Variants in CFDP1 observed in about 807,000 individuals in gnomAD.
The protein encoded by CFDP1 is chromatin remodeling protein CFDP1.
A neutral mutation model predicts 40.1 loss-of-function variants in CFDP1; 31 were observed. The ratio of observed to expected loss-of-function variants is 0.77; its 90% CI spans 0.58 to 1.04. The LOEUF (loss-of-function observed/expected upper bound fraction) is 1.04, where lower values mean the gene tolerates loss of function less well. Ranked by LOEUF, CFDP1 falls within the 50% of genes least tolerant of loss-of-function variation. The pLI is 0.00. For missense variants in CFDP1, 423 were observed against 343.4 expected (o/e 1.23, Z -1.83); for synonymous variants, 167 against 120.0 (o/e 1.39, Z -2.56).
At chr16:75,387,982 T>A (rs759449759) in intron 5 of CFDP1, among the ~76,000 whole-genome samples, 108 of 152,174 alleles carry the variant, frequency 7.1e-4, no homozygotes, top group Non-Finnish European at 1.9e-4. Flanking sequence ...GAGTCCCACA[T>A]CAGTTATGAA....
chr16:75,405,876 G>A (rs1384762802), intron 4 of CFDP1, among the ~76,000 whole-genome samples: 10 of 150,090 alleles, frequency 6.7e-5, no homozygotes, highest in African/African-American at 1.5e-4. Flanking sequence ...CCAAGACTGC[G>A]CCACTGCACT....
chr16:75,391,056 C>T (rs1213062385), intron 5 of CFDP1, among the ~76,000 whole-genome samples: 1 of 152,224 alleles, frequency 6.6e-6, no homozygotes, highest in Non-Finnish European at 1.5e-5. Context: ...ATGGATATGA[C>T]AAGCAGTGAG....
In CFDP1 at chr16:75,412,598, G is replaced by T; in HGVS notation, c.339C>A (p.Leu113=). The change falls in exon 3 of 7, where the codon CTC becomes CTA. Residue 113 remains leucine (L), a synonymous_variant. Coordinates refer to ENST00000283882, the MANE Select transcript of CFDP1 (RefSeq NM_006324.3). The stretch of plus-strand genomic sequence containing the variant: ...CCACATCATTGAGGAAGCTGGCCCA[G>T]AGTTCGTCCTCCTTCTTTTTCCTGG... ...EDARKKKEDE[L]WASFLNDVGP... 2 of 1,614,122 alleles carry T rather than the reference G, an allele frequency of 1.2e-6. No individual in the cohort carries two copies. Among genetic ancestry groups the T allele is most frequent in the Non-Finnish European group, 1.7e-6 (2 of 1,180,006 alleles).
chr16:75,316,825 C>T (rs1160141742), intron 5 of CFDP1, among the ~76,000 whole-genome samples: 1 of 151,700 alleles, frequency 6.6e-6, no homozygotes, highest in Non-Finnish European at 1.5e-5. Flanking sequence ...TAAAATTAGC[C>T]GGGCGTGGAG....
At position 75,318,454 on chromosome 16, in the gene CFDP1, G is replaced by A. The variant is rs1036713990; in HGVS notation, c.651-13272C>T. 5.5e-5 allele frequency among the ~76,000 whole-genome samples: 8 copies of A among 144,450 alleles called. No homozygotes were observed. In the East Asian group the frequency reaches 1.5e-3, roughly 26 times the overall value. 94.8% of individuals were successfully genotyped at this position (144,450 alleles called of 152,430 possible). A position where few individuals can be genotyped will look rare whatever the true frequency, so the allele number is the denominator to read the frequency against. ...GAAGTCTCACTCTGTCGCCCAGGCT[G>A]GAGTGCAGTGGCACAGTCTCGGCTC... is the stretch of plus-strand genomic sequence containing the variant. On this transcript the variant is annotated intron_variant, in intron 5 of 6. Coordinates refer to ENST00000283882, the MANE Select transcript of CFDP1 (RefSeq NM_006324.3).
chr16:75,412,061 G>A, intron 3 of CFDP1, 109 bp from the exon 4 acceptor site: 1 of 1,150,654 alleles, frequency 8.7e-7, no homozygotes, highest in South Asian at 1.7e-5. Flanking sequence ...TGTAGCCCAA[G>A]CTGGAGTGCA....
At chr16:75,348,762 T>C (rs2078587769) in intron 5 of CFDP1, among the ~76,000 whole-genome samples, 1 of 152,244 alleles carries the variant, frequency 6.6e-6, no homozygotes, top group Non-Finnish European at 1.5e-5. Context: ...AACTCATTAA[T>C]TTCTTTGAAC....
intron 5 of CFDP1, chr16:75,391,452 T>C (rs953066610): frequency 6.6e-6 from 1 of 152,364 alleles, no homozygotes; most frequent in Middle Eastern, 3.4e-3. Context: ...CAAATTCAGG[T>C]TGCAGTTGAT....
In CFDP1 at chr16:75,307,191, T is replaced by C. The variant is rs185263995; in HGVS notation, c.651-2009A>G. Among the ~76,000 whole-genome samples the C allele has an allele frequency of 1.9e-3, 291 of 152,286 alleles. No individual in the cohort carries two copies. In the Middle Eastern group the frequency reaches 0.02, roughly 11 times the overall value. On this transcript the variant is annotated intron_variant, in intron 5 of 6. Transcript: ENST00000283882. Reference sequence around the variant, plus strand: ...TAGCATGTCTTTCTGCTTAAATGTCTCTTCACTGACCCCTTTTTATTTTTA... The same window carrying C: ...TAGCATGTCTTTCTGCTTAAATGTCCCTTCACTGACCCCTTTTTATTTTTA...
At chr16:75,347,359 A>AAAAAAAAAAAAAAAAAAAAAG (rs1555556963) in intron 5 of CFDP1, among the ~76,000 whole-genome samples, 1 of 53,668 alleles carries the variant, frequency 1.9e-5, no homozygotes, top group Non-Finnish European at 3.3e-5. Flanking sequence ...AAAAAAAAAA[A>AAAAAAAAAAAAAAAAAAAAAG]AAAAAGAAAA....
At position 75,301,625 on chromosome 16, in the gene CFDP1, A is replaced by G. The variant is rs374231306; in HGVS notation, c.809+3399T>C. The G allele has an allele frequency of 6.2e-5, 8 of 129,506 alleles. No homozygotes were observed. The Admixed American group carries it at 6.2e-4, about 10-fold the overall frequency. 8.0% of individuals were successfully genotyped at this position (129,506 alleles called of 1,614,324 possible). A position where few individuals can be genotyped will look rare whatever the true frequency, so the allele number is the denominator to read the frequency against. ...TGGAGTGCAGTGAGTAGCTGGGACT[A>G]TGGGTGCATGTCACTGTACCTGTCT... On this transcript the variant is annotated intron_variant, in intron 6 of 6. Transcript: ENST00000283882.
chr16:75,312,183 C>G (rs1022491835), intron 5 of CFDP1, among the ~76,000 whole-genome samples: 1 of 152,088 alleles, frequency 6.6e-6, no homozygotes, highest in African/African-American at 2.4e-5. Context: ...AAGATTAGAC[C>G]CCTCAAGGAA....
chr16:75,397,698 C>T (rs1038787639), intron 4 of CFDP1, among the ~76,000 whole-genome samples: 4 of 151,766 alleles, frequency 2.6e-5, no homozygotes, highest in Admixed American at 2.0e-4. Context: ...CCTAGCTACT[C>T]GGGAGGCTGA....
chr16:75,408,094 ACT>A (rs1485153449), intron 4 of CFDP1, among the ~76,000 whole-genome samples: 1 of 148,512 alleles, frequency 6.7e-6, no homozygotes, highest in Non-Finnish European at 1.5e-5. Context: ...ACAAAGAGAG[ACT>A]CTGTCTCAAA....
chr16:75,316,123 A>G (rs2078321886), intron 5 of CFDP1, among the ~76,000 whole-genome samples: 1 of 152,166 alleles, frequency 6.6e-6, no homozygotes, highest in South Asian at 2.1e-4. Flanking sequence ...TGCTAAATAG[A>G]TGAGGTTGGG....
At chr16:75,397,802 T>A (rs981218417) in intron 4 of CFDP1, among the ~76,000 whole-genome samples, 1 of 151,790 alleles carries the variant, frequency 6.6e-6, no homozygotes, top group African/African-American at 2.4e-5. Context: ...AGACTCCGTC[T>A]CAAAAAATAA....
In CFDP1 at chr16:75,352,600, G is replaced by C. The variant is rs567613573; in HGVS notation, c.650+42490C>G. On this transcript the variant is annotated intron_variant, in intron 5 of 6. Transcript: ENST00000283882. ...AAAATAATAATTTTATTACAGGGAC[G>C]TTTATGTCTTCCTTTAAAGATTCAG... Among the ~76,000 whole-genome samples, 35 of 152,116 alleles carry C rather than the reference G, an allele frequency of 2.3e-4. No homozygotes were observed. The East Asian group carries it at 6.6e-3, about 29-fold the overall frequency.
At chr16:75,375,790 CAAA>C (rs564473644) in intron 5 of CFDP1, among the ~76,000 whole-genome samples, 3 of 125,672 alleles carry the variant, frequency 2.4e-5, no homozygotes, top group Non-Finnish European at 1.6e-5. Context: ...GACTCCATCT[CAAA>C]AAAAAAAAAA....
chr16:75,374,413 A>G (rs2078776397), intron 5 of CFDP1, among the ~76,000 whole-genome samples: 1 of 152,240 alleles, frequency 6.6e-6, no homozygotes, highest in Non-Finnish European at 1.5e-5. Context: ...CTCCATTTAT[A>G]TAAATAAAAA....
Sources: allele counts gnomAD v4.1 joint callset (sites outside exome capture counted in the v4.1 genomes callset), GRCh38; gene constraint gnomAD v4.1.1; transcripts MANE v1.5; gene names NCBI Gene and HGNC (gene_info 2026-07-23, HGNC 2026-07-21).